Variants in RIMS2 observed in about 807,000 individuals in gnomAD.
RIMS2 encodes regulating synaptic membrane exocytosis protein 2.
A neutral mutation model predicts 174.4 loss-of-function variants in RIMS2; 59 were observed. The observed-to-expected ratio is 0.34, with a 90% confidence interval of 0.27 to 0.42. The LOEUF (loss-of-function observed/expected upper bound fraction) is 0.42. Among genes scored for constraint, RIMS2 ranks in the 10% least tolerant of loss-of-function variants. RIMS2 has a pLI of 1.00. For synonymous variants in RIMS2, 606 were observed against 572.5 expected (o/e 1.06, Z -0.84); for missense variants, 1,620 against 1,666.3 (o/e 0.97, Z 0.48).
At chr8:103,856,311 C>G (rs1215745954) in intron 3 of RIMS2, among the ~76,000 whole-genome samples, 1 of 152,090 alleles carries the variant, frequency 6.6e-6, no homozygotes, top group Non-Finnish European at 1.5e-5. Flanking sequence ...TACACATAAG[C>G]TGGGTCTCTT....
intron 19 of RIMS2, among the ~76,000 whole-genome samples, chr8:104,051,275 T>A (rs1177064427): frequency 6.6e-6 from 1 of 152,064 alleles, no homozygotes; most frequent in Non-Finnish European, 1.5e-5. Context: ...TATATGTATG[T>A]GTGTGTATAT....
At chr8:103,830,752 A>G (rs2098820525) in intron 3 of RIMS2, among the ~76,000 whole-genome samples, 1 of 152,206 alleles carries the variant, frequency 6.6e-6, no homozygotes, top group East Asian at 1.9e-4. Context: ...TAATTCTGTC[A>G]GCTTTTGCTC....
intron 1 of RIMS2, among the ~76,000 whole-genome samples, chr8:103,614,012 G>C (rs906835450): frequency 1.3e-5 from 2 of 152,210 alleles, no homozygotes; most frequent in African/African-American, 4.8e-5. Flanking sequence ...GGAAGGGATG[G>C]TGCAAGCACT....
At chr8:104,069,463 CT>C (rs71297250) in intron 19 of RIMS2, among the ~76,000 whole-genome samples, 198 of 91,958 alleles carry the variant, frequency 2.2e-3, no homozygotes, top group South Asian at 4.6e-3. Flanking sequence ...ATTAATTGTT[CT>C]TTTTTTTTTT....
chr8:103,797,103 A>C (rs2098555199), intron 3 of RIMS2, among the ~76,000 whole-genome samples: 1 of 152,074 alleles, frequency 6.6e-6, no homozygotes, highest in Non-Finnish European at 1.5e-5. Context: ...AGGGAAGAGC[A>C]CTCTAGGCAG....
At chr8:103,687,436 A>C (rs910190090) in intron 1 of RIMS2, among the ~76,000 whole-genome samples, 6 of 152,016 alleles carry the variant, frequency 3.9e-5, no homozygotes. Flanking sequence ...GTGTATACTT[A>C]CACAACATGA....
At chr8:103,818,975 A>G (rs2098734683) in intron 3 of RIMS2, among the ~76,000 whole-genome samples, 1 of 152,122 alleles carries the variant, frequency 6.6e-6, no homozygotes, top group African/African-American at 2.4e-5. Flanking sequence ...CACATTGAAG[A>G]GATATATGCT....
intron 1 of RIMS2, among the ~76,000 whole-genome samples, chr8:103,680,779 A>G (rs1395385937): frequency 6.6e-6 from 1 of 151,992 alleles, no homozygotes; most frequent in Non-Finnish European, 1.5e-5. Context: ...AAAAAATGGG[A>G]CATCAATTAA....
intron 19 of RIMS2, among the ~76,000 whole-genome samples, chr8:104,172,091 A>C (rs770225520): frequency 2.0e-5 from 3 of 152,022 alleles, no homozygotes; most frequent in Non-Finnish European, 2.9e-5. Context: ...ATTTTTCTTC[A>C]ATGTTTTATT....
chr8:103,705,018 T>C (rs774489710), intron 2 of RIMS2, among the ~76,000 whole-genome samples: 2 of 151,996 alleles, frequency 1.3e-5, no homozygotes, highest in Non-Finnish European at 2.9e-5. Context: ...TTCTTGCTTT[T>C]CTAGTTCTTT....
At chr8:103,739,379 T>A (rs2097730427) in intron 2 of RIMS2, among the ~76,000 whole-genome samples, 1 of 151,938 alleles carries the variant, frequency 6.6e-6, no homozygotes, top group Admixed American at 6.6e-5. Flanking sequence ...GGGCCTGTCG[T>A]AGGGTAGAGG....
intron 1 of RIMS2, among the ~76,000 whole-genome samples, chr8:103,619,361 GAA>G (rs1564042669): frequency 6.6e-6 from 1 of 151,830 alleles, no homozygotes; most frequent in Non-Finnish European, 1.5e-5. Flanking sequence ...GTACATCAAA[GAA>G]TCATGAAAAT....
Position 103,697,243 on chromosome 8 carries a change from C to T in RIMS2, c.334C>T (p.Gln112Ter). Residue 112 changes from glutamine (Q) to a stop codon, truncating the protein, a stop_gained, in exon 2 of 24, where the codon CAA (glutamine) becomes TAA (stop). Transcript: ENST00000504942. LOFTEE classifies it high-confidence loss of function. The stretch of plus-strand genomic sequence containing the variant: ...ATGTGGCCATAACTGTTCATATTGC[C>T]AAACAAAGTTCTGTGCTCGTTGTGG... 1 of 1,613,750 alleles carries T rather than the reference C, an allele frequency of 6.2e-7. No individual in the cohort carries two copies. Among genetic ancestry groups the T allele is most frequent in the Non-Finnish European group, 8.5e-7 (1 of 1,179,744 alleles).
intron 19 of RIMS2, among the ~76,000 whole-genome samples, chr8:104,153,255 G>A (rs962249408): frequency 6.6e-6 from 1 of 152,050 alleles, no homozygotes; most frequent in Non-Finnish European, 1.5e-5. Context: ...ACCTAGTAGA[G>A]AGCATATAGA....
intron 3 of RIMS2, among the ~76,000 whole-genome samples, chr8:103,787,603 ACT>A (rs960925215): frequency 1.3e-5 from 2 of 151,410 alleles, no homozygotes; most frequent in African/African-American, 2.4e-5. Context: ...ATTGGCCCCT[ACT>A]CTCTTCTTGC....
At chr8:103,988,721 A>G (rs138102610) in intron 16 of RIMS2, among the ~76,000 whole-genome samples, 1,539 of 152,128 alleles carry the variant, frequency 0.01, 19 homozygotes, top group East Asian at 0.046. Flanking sequence ...CAGCCTCCCA[A>G]AGTGCTGGAA....
Position 103,674,006 on chromosome 8 carries a change from TA to T in RIMS2, c.177-23079del, listed in dbSNP as rs2096777936. ...TAGAAATTTCTTCCTTCAGATACCC[TA>T]GGTCATCACTCTGAAGTTCAGACTT... On this transcript the variant is annotated intron_variant, in intron 1 of 23. Transcript: ENST00000504942. 2.0e-5 allele frequency among the ~76,000 whole-genome samples: 3 copies of T among 152,228 alleles called. No homozygotes were observed. In the South Asian group the frequency reaches 6.2e-4, roughly 31 times the overall value.
chr8:103,591,640 C>T (rs927822923), intron 1 of RIMS2, among the ~76,000 whole-genome samples: 3 of 150,948 alleles, frequency 2.0e-5, no homozygotes, highest in African/African-American at 7.3e-5. Context: ...TATGGATATC[C>T]AGTTTTGCAG....
chr8:104,074,838 G>A (rs991793603), intron 19 of RIMS2, among the ~76,000 whole-genome samples: 1 of 151,956 alleles, frequency 6.6e-6, no homozygotes, highest in East Asian at 1.9e-4. Flanking sequence ...ATGGGTGTGG[G>A]TGTTTTCAAA....
Sources: allele counts gnomAD v4.1 joint callset (sites outside exome capture counted in the v4.1 genomes callset), GRCh38; gene constraint gnomAD v4.1.1; transcripts MANE v1.5; gene names NCBI Gene and HGNC (gene_info 2026-07-23, HGNC 2026-07-21).